MAST4: variants seen among roughly 807,000 people sequenced by gnomAD.
MAST4 encodes the protein microtubule associated serine/threonine kinase family member 4, also known as microtubule-associated serine/threonine-protein kinase 4.
MAST4 carries 89 observed loss-of-function variants against 162.7 expected under a neutral mutation model. That is an observed-to-expected ratio of 0.55 (90% confidence interval 0.46 to 0.65). The LOEUF (loss-of-function observed/expected upper bound fraction) is 0.65. MAST4 is among the 30% of genes least tolerant of loss of function. The probability of loss-of-function intolerance (pLI) is 0.00; values close to 1 mark genes in which losing one functional copy is unlikely to be tolerated. For missense variants in MAST4, 3,153 were observed against 3,374.0 expected, an observed-to-expected ratio of 0.93 and a Z score of 1.62; for synonymous variants, 1,479 against 1,361.1, an observed-to-expected ratio of 1.09 and a Z score of -1.91.
chr5:66,893,592 T>A (rs1170633582), intron 3 of MAST4, among the ~76,000 whole-genome samples: 1 of 152,126 alleles, frequency 6.6e-6, no homozygotes, highest in East Asian at 1.9e-4. Context: ...TGATTATAGA[T>A]ACAAAAAGAA....
At chr5:66,847,040 C>A (rs1470913435) in intron 3 of MAST4, among the ~76,000 whole-genome samples, 4 of 152,058 alleles carry the variant, frequency 2.6e-5, no homozygotes, top group African/African-American at 9.7e-5. Context: ...TCTTAGTGGA[C>A]ATTAATTAGG....
chr5:66,980,265 G>A (rs1409530149), intron 4 of MAST4, among the ~76,000 whole-genome samples: 4 of 152,130 alleles, frequency 2.6e-5, no homozygotes, highest in African/African-American at 7.2e-5. Flanking sequence ...GCATGACAAC[G>A]CCTCACACTT....
intron 4 of MAST4, among the ~76,000 whole-genome samples, chr5:66,916,143 G>A (rs1764103937): frequency 6.6e-6 from 1 of 152,174 alleles, no homozygotes; most frequent in Non-Finnish European, 1.5e-5. Flanking sequence ...TAAATGTTAT[G>A]AAAATTATGT....
At chr5:66,891,103 G>C (rs960297159) in intron 3 of MAST4, among the ~76,000 whole-genome samples, 1 of 152,170 alleles carries the variant, frequency 6.6e-6, no homozygotes, top group East Asian at 1.9e-4. Context: ...GCTCATCAGG[G>C]ACTCGCTGGT....
chr5:66,623,007 C>A (rs767755488), intron 1 of MAST4: 2 of 152,260 alleles, frequency 1.3e-5, no homozygotes, highest in Non-Finnish European at 2.9e-5. Context: ...AAGTTATGGA[C>A]TTTGTGCTAC....
intron 1 of MAST4, among the ~76,000 whole-genome samples, chr5:66,605,516 T>A (rs1298195945): frequency 6.6e-6 from 1 of 152,204 alleles, no homozygotes; most frequent in Non-Finnish European, 1.5e-5. Flanking sequence ...AGACTGTCCC[T>A]TTGCCTTATA....
At chr5:66,781,599 G>C (rs1437462205) in intron 2 of MAST4, among the ~76,000 whole-genome samples, 1 of 152,120 alleles carries the variant, frequency 6.6e-6, no homozygotes, top group African/African-American at 2.4e-5. Context: ...GGCCACTTCA[G>C]CTTCCCCTTT....
At chr5:66,810,494 T>C (rs1756424836) in intron 3 of MAST4, among the ~76,000 whole-genome samples, 1 of 152,182 alleles carries the variant, frequency 6.6e-6, no homozygotes, top group Non-Finnish European at 1.5e-5. Context: ...CATCTACCCA[T>C]ATTCCATTGT....
At chr5:67,108,187 G>A (rs541874208) in intron 10 of MAST4, among the ~76,000 whole-genome samples, 4 of 152,168 alleles carry the variant, frequency 2.6e-5, no homozygotes, top group Non-Finnish European at 5.9e-5. Flanking sequence ...GACTTTTTAA[G>A]TTTATTAAGA....
chr5:66,927,934 T>A (rs1368289938), intron 4 of MAST4, among the ~76,000 whole-genome samples: 1 of 152,154 alleles, frequency 6.6e-6, no homozygotes, highest in African/African-American at 2.4e-5. Flanking sequence ...TTGCTTTCCT[T>A]GGCTTTCAGA....
chr5:66,707,251 C>T (rs1400652681), intron 1 of MAST4, among the ~76,000 whole-genome samples: 2 of 152,174 alleles, frequency 1.3e-5, no homozygotes, highest in Non-Finnish European at 2.9e-5. Context: ...CACAAACGGG[C>T]TTCCGGCTCA....
chr5:67,165,688 C>T lies in MAST4; in HGVS notation c.6509C>T (p.Ala2170Val), dbSNP rs1773830750. The T allele has an allele frequency of 6.3e-7, 1 of 1,586,058 alleles. No homozygotes were observed. The highest frequency in any genetic ancestry group is 8.6e-7 in the Non-Finnish European group (1 of 1,166,954). The change falls in exon 29 of 29, where the codon GCA (alanine) becomes GTA (valine). Residue 2170 changes from alanine (A) to valine (V), a missense_variant. Transcript: ENST00000403625. ...GAGCCGGGGGCCAAGCCCAGCACTG[C>T]AGAGCCCAGCTCGAGCCCCCAGGAC... Reference protein sequence around the residue: ...GREPGAKPSTAEPSSSPQDPP... With the variant: ...GREPGAKPSTVEPSSSPQDPP...
At chr5:66,996,842 T>C (rs2150301193) in intron 4 of MAST4, among the ~76,000 whole-genome samples, 1 of 152,334 alleles carries the variant, frequency 6.6e-6, no homozygotes, top group Non-Finnish European at 1.5e-5. Context: ...AGATTCTTAA[T>C]TACATCTGCA....
intron 1 of MAST4, among the ~76,000 whole-genome samples, chr5:66,694,440 A>G (rs1350049830): frequency 6.8e-6 from 1 of 147,458 alleles, no homozygotes; most frequent in Non-Finnish European, 1.5e-5. Context: ...AAAAATTTGC[A>G]CTCCTCTAAT....
intron 5 of MAST4, among the ~76,000 whole-genome samples, chr5:67,060,385 G>A (rs1039875220): frequency 3.3e-5 from 5 of 152,066 alleles, no homozygotes; most frequent in Non-Finnish European, 7.4e-5. Flanking sequence ...AATAAACAAG[G>A]CAGACTAATG....
chr5:66,813,589 A>C (rs1756577345), intron 3 of MAST4, among the ~76,000 whole-genome samples: 1 of 152,252 alleles, frequency 6.6e-6, no homozygotes, highest in South Asian at 2.1e-4. Flanking sequence ...TGAACAGAAT[A>C]TCTCTGAGTC....
chr5:67,065,444 T>G (rs1760118350), intron 5 of MAST4, among the ~76,000 whole-genome samples: 1 of 152,176 alleles, frequency 6.6e-6, no homozygotes, highest in Non-Finnish European at 1.5e-5. Context: ...AGTCATTAGC[T>G]GGTGAGAGAG....
At chr5:66,758,628 G>T (rs1023739365) in intron 1 of MAST4, among the ~76,000 whole-genome samples, 1 of 152,072 alleles carries the variant, frequency 6.6e-6, no homozygotes, top group African/African-American at 2.4e-5. Context: ...AGACAAAATG[G>T]ATGACCTAGT....
chr5:67,048,066 G>T (rs551672405), intron 4 of MAST4, among the ~76,000 whole-genome samples: 1 of 152,216 alleles, frequency 6.6e-6, no homozygotes, highest in South Asian at 2.1e-4. Flanking sequence ...TGGGCAAGAG[G>T]TGTCCAAAGA....
Sources: allele counts gnomAD v4.1 joint callset (sites outside exome capture counted in the v4.1 genomes callset), GRCh38; gene constraint gnomAD v4.1.1; transcripts MANE v1.5; gene names NCBI Gene and HGNC (gene_info 2026-07-23, HGNC 2026-07-21).